The following OR5M1 variants were observed in gnomAD, a reference collection of about 807,000 sequenced individuals.
OR5M1 encodes olfactory receptor family 5 subfamily M member 1.
For missense variants in OR5M1, 367 were observed against 379.5 expected, an observed-to-expected ratio of 0.97 and a Z score of 0.27; for synonymous variants, 165 against 144.2, an observed-to-expected ratio of 1.14 and a Z score of -1.04.
rs1348570326 is a variant in OR5M1, at chr11:56,612,404, A to C, written c.*151T>G. 2.1e-6 allele frequency: 1 copy of C among 481,690 alleles called. No homozygotes were observed. Among genetic ancestry groups the C allele is most frequent in the Non-Finnish European group, 3.7e-6 (1 of 272,076 alleles). The allele number at this position is 481,690 out of a possible 1,614,324, so 29.8% of individuals were successfully genotyped here. A position where few individuals can be genotyped will look rare whatever the true frequency, so the allele number is the denominator to read the frequency against. Reference sequence around the variant, plus strand: ...ACATTAAGGCTTTTATTTCTAAGAAATCAATCTTCAAGGTTTTCATTTGGA... The same window carrying C: ...ACATTAAGGCTTTTATTTCTAAGAACTCAATCTTCAAGGTTTTCATTTGGA... On this transcript the variant is annotated 3_prime_UTR_variant, in exon 2 of 2. Coordinates refer to ENST00000641076, the MANE Select transcript of OR5M1 (RefSeq NM_001004740.2).
In OR5M1 at chr11:56,610,167, T is replaced by C. The variant is rs1285001935; in HGVS notation, c.*2388A>G. 1 of 152,044 alleles carries C rather than the reference T, an allele frequency of 6.6e-6. No homozygotes were observed. Among genetic ancestry groups the C allele is most frequent in the East Asian group, 1.9e-4 (1 of 5,196 alleles). 9.4% of individuals were successfully genotyped at this position (152,044 alleles called of 1,614,324 possible). On this transcript the variant is annotated 3_prime_UTR_variant, in exon 2 of 2. Transcript: ENST00000641076. The stretch of plus-strand genomic sequence containing the variant: ...TTGTCTGTACCTGGTAATTAATTAA[T>C]ATGAATATGTATGCCTTTGCGACTG...
At position 56,612,792 on chromosome 11, in the gene OR5M1, G is replaced by T; in HGVS notation, c.711C>A (p.Ala237=). 1 of 1,613,696 alleles carries T rather than the reference G, an allele frequency of 6.2e-7. No individual in the cohort carries two copies. Among genetic ancestry groups the T allele is most frequent in the Non-Finnish European group, 8.5e-7 (1 of 1,179,746 alleles). The change falls in exon 2 of 2, where the codon GCC becomes GCA. Residue 237 remains alanine, a synonymous_variant. Coordinates refer to ENST00000641076, the MANE Select transcript of OR5M1 (RefSeq NM_001004740.2). ...RIRSAEGRHK[A]FSTCASHLTI... ...TCAGGTGGGAAGCACACGTAGAAAA[G>T]GCTTTGTGCCTGCCTTCAGCAGAAC...
At chr11:56,613,613 G>T in intron 1 of OR5M1, 94 bp from the exon 2 acceptor site, 1 of 969,424 alleles carries the variant, frequency 1.0e-6, no homozygotes, top group Non-Finnish European at 1.6e-6. Context: ...TATTTATCTA[G>T]GTGACAATTA....
chr11:56,609,458 C>T lies in OR5M1; in HGVS notation c.*3097G>A, dbSNP rs1238831996. 1.3e-5 allele frequency: 2 copies of T among 151,876 alleles called. No homozygotes were observed. Among genetic ancestry groups the T allele is most frequent in the African/African-American group, 4.8e-5 (2 of 41,406 alleles). 9.4% of individuals were successfully genotyped at this position (151,876 alleles called of 1,614,324 possible). A position where few individuals can be genotyped will look rare whatever the true frequency, so the allele number is the denominator to read the frequency against. ...TTTTCTAAGACTTCCCTTGAGACAT[C>T]AAAGAAGCAAATAACCATAAACAAG... On this transcript the variant is annotated 3_prime_UTR_variant, in exon 2 of 2. Coordinates refer to ENST00000641076, the MANE Select transcript of OR5M1 (RefSeq NM_001004740.2).
In OR5M1 at chr11:56,610,741, G is replaced by T. The variant is rs1200093866; in HGVS notation, c.*1814C>A. 3 of 152,048 alleles carry T rather than the reference G, an allele frequency of 2.0e-5. No homozygotes were observed. In the East Asian group the frequency reaches 5.8e-4, roughly 29 times the overall value. The allele number at this position is 152,048 out of a possible 1,614,324, so 9.4% of individuals were successfully genotyped here. ...ATCCTATCTCCAAAGAATTTCTGAG[G>T]TGACTTTTACCCAAAGACATGCAGA... is the stretch of plus-strand genomic sequence containing the variant. On this transcript the variant is annotated 3_prime_UTR_variant, in exon 2 of 2. Transcript: ENST00000641076.
rs755094041 is a variant in OR5M1 at position 56,613,350 on chromosome 11, G to A, written c.153C>T (p.Thr51=). The change falls in exon 2 of 2, where the codon ACC becomes ACT. Residue 51 remains threonine, a synonymous_variant. Coordinates refer to ENST00000641076, the MANE Select transcript of OR5M1 (RefSeq NM_001004740.2). ...ACATGGGTGTTTGCAGGTGGGAATT[G>A]GTCCTGATCAGCAGGATCATGCACA... is the stretch of plus-strand genomic sequence containing the variant. ...GNLCMILLIR[T]NSHLQTPMYF... is the part of the protein sequence containing the mutation. 1 of 1,613,694 alleles carries A rather than the reference G, an allele frequency of 6.2e-7. No individual in the cohort carries two copies. The highest frequency in any genetic ancestry group is 2.2e-5 in the East Asian group (1 of 44,878).
In OR5M1 at chr11:56,609,380, A is replaced by G. The variant is rs1178164672; in HGVS notation, c.*3175T>C. On this transcript the variant is annotated 3_prime_UTR_variant, in exon 2 of 2. Transcript: ENST00000641076. ...ATTATCAACCTTATGTGTAGCCTTC[A>G]TTTGTTCAATATATGCTTCAATTTT... 1 of 151,980 alleles carries G rather than the reference A, an allele frequency of 6.6e-6. No individual in the cohort carries two copies. The highest frequency in any genetic ancestry group is 1.5e-5 in the Non-Finnish European group (1 of 67,860). 9.4% of individuals were successfully genotyped at this position (151,980 alleles called of 1,614,324 possible). A position where few individuals can be genotyped will look rare whatever the true frequency, so the allele number is the denominator to read the frequency against.
rs1853692325 is a variant in OR5M1, at chr11:56,612,596, G to C, written c.907C>G (p.Gln303Glu). The C allele has an allele frequency of 1.9e-6, 3 of 1,606,150 alleles. No homozygotes were observed. The highest frequency in any genetic ancestry group is 1.7e-5 in the Admixed American group (1 of 57,210). ...TGAAAGGATTTTCCCCTAATCATTT[G>C]TTGCATGGCAAGGATTACATCTGTG... is the stretch of plus-strand genomic sequence containing the variant. ...RNTDVILAMQ[Q>E]MIRGKSFHKI... The change falls in exon 2 of 2, where the codon CAA becomes GAA. Residue 303 changes from glutamine to glutamate, a missense_variant. Physicochemically the swap from Gln to Glu is conservative, Grantham distance 29 (BLOSUM62 2). Transcript: ENST00000641076.
intron 1 of OR5M1, 39 bp downstream of exon 1, chr11:56,614,818 A>ACAC (rs1590539898): frequency 8.6e-6 from 1 of 116,090 alleles, no homozygotes; most frequent in Non-Finnish European, 1.9e-5. Flanking sequence ...CACACACACA[A>ACAC]ATTGTATTTT....
rs1853666716 is a variant in OR5M1, at chr11:56,610,810, T to C, written c.*1745A>G. The C allele has an allele frequency of 6.6e-6, 1 of 152,096 alleles. No individual in the cohort carries two copies. Among genetic ancestry groups the C allele is most frequent in the Non-Finnish European group, 1.5e-5 (1 of 68,024 alleles). The allele number at this position is 152,096 out of a possible 1,614,324, so 9.4% of individuals were successfully genotyped here. On this transcript the variant is annotated 3_prime_UTR_variant, in exon 2 of 2. Coordinates refer to ENST00000641076, the MANE Select transcript of OR5M1 (RefSeq NM_001004740.2). The stretch of plus-strand genomic sequence containing the variant: ...AAATAGAAATAAATAAAATATTTTA[T>C]TAAAAATCAATTAGAAACAGGTCAG...
At position 56,612,429 on chromosome 11, in the gene OR5M1, A is replaced by T. The variant is rs1482531928; in HGVS notation, c.*126T>A. ...ATCAATCTTCAAGGTTTTCATTTGGATAAGAAAGTAAAGTGGTTACTGACA... is the reference window on the plus strand; with the variant it reads ...ATCAATCTTCAAGGTTTTCATTTGGTTAAGAAAGTAAAGTGGTTACTGACA... On this transcript the variant is annotated 3_prime_UTR_variant, in exon 2 of 2. Coordinates refer to ENST00000641076, the MANE Select transcript of OR5M1 (RefSeq NM_001004740.2). 1.2e-5 allele frequency: 7 copies of T among 568,136 alleles called. No individual in the cohort carries two copies. The highest frequency in any genetic ancestry group is 1.5e-5 in the Non-Finnish European group (5 of 331,080). 35.2% of individuals were successfully genotyped at this position (568,136 alleles called of 1,614,324 possible).
At position 56,612,477 on chromosome 11, in the gene OR5M1, C is replaced by G; in HGVS notation, c.*78G>C. 1 of 1,044,428 alleles carries G rather than the reference C, an allele frequency of 9.6e-7. No homozygotes were observed. Among genetic ancestry groups the G allele is most frequent in the Non-Finnish European group, 1.4e-6 (1 of 709,132 alleles). The allele number at this position is 1,044,428 out of a possible 1,614,324, so 64.7% of individuals were successfully genotyped here. ...ACAGTCCATGATGTTAAATAAATCA[C>G]GACTACACTAGGTTTTTCCATTTCA... is the stretch of plus-strand genomic sequence containing the variant. On this transcript the variant is annotated 3_prime_UTR_variant, in exon 2 of 2. Coordinates refer to ENST00000641076, the MANE Select transcript of OR5M1 (RefSeq NM_001004740.2).
Position 56,613,188 on chromosome 11 carries a change from G to A in OR5M1, c.315C>T (p.Ile105=), listed in dbSNP as rs755863011. ...AGCFTQCLLF[I]ALVITEFYIL... is the part of the protein sequence containing the mutation. ...TGTAAAACTCAGTGATCACCAGGGCGATGAAGAGAAGACACTGTGTGAAGC... is the reference window on the plus strand; with the variant it reads ...TGTAAAACTCAGTGATCACCAGGGCAATGAAGAGAAGACACTGTGTGAAGC... Residue 105 remains isoleucine, a synonymous_variant, in exon 2 of 2, where the codon ATC becomes ATT. Transcript: ENST00000641076. The A allele has an allele frequency of 1.1e-5, 18 of 1,613,712 alleles. No individual in the cohort carries two copies. The highest frequency in any genetic ancestry group is 1.1e-4 in the African/African-American group (8 of 74,924).
chr11:56,612,993 G>A lies in OR5M1; in HGVS notation c.510C>T (p.Gly170=), dbSNP rs1853699371. Residue 170 remains glycine (G), a synonymous_variant, in exon 2 of 2, where the codon GGC becomes GGT. Transcript: ENST00000641076. ...AGTAGAAATGATTGATTTCAAGGGA[G>A]CCACAGAAGGATAAGTGAAAGGTTA... The part of the protein sequence containing the change: ...SLLTFHLSFC[G]SLEINHFYCA... 7 of 1,613,726 alleles carry A rather than the reference G, an allele frequency of 4.3e-6. No homozygotes were observed. The highest frequency in any genetic ancestry group is 1.7e-5 in the Admixed American group (1 of 59,958).
In OR5M1 at chr11:56,611,772, G is replaced by A. The variant is rs1261707537; in HGVS notation, c.*783C>T. On this transcript the variant is annotated 3_prime_UTR_variant, in exon 2 of 2. Transcript: ENST00000641076. ...CCTATTTATTTGTATACTGTTTCAAGACATTTGTGGGTATGCACAGGGCAG... is the reference window on the plus strand; with the variant it reads ...CCTATTTATTTGTATACTGTTTCAAAACATTTGTGGGTATGCACAGGGCAG... 6.6e-6 allele frequency: 1 copy of A among 151,988 alleles called. No homozygotes were observed. Among genetic ancestry groups the A allele is most frequent in the African/African-American group, 2.4e-5 (1 of 41,380 alleles). The allele number at this position is 151,988 out of a possible 1,614,324, so 9.4% of individuals were successfully genotyped here.
In OR5M1 at chr11:56,609,442, A is replaced by G. The variant is rs1853647924; in HGVS notation, c.*3113T>C. 6.6e-6 allele frequency: 1 copy of G among 151,944 alleles called. No individual in the cohort carries two copies. The highest frequency in any genetic ancestry group is 1.5e-5 in the Non-Finnish European group (1 of 67,844). The allele number at this position is 151,944 out of a possible 1,614,324, so 9.4% of individuals were successfully genotyped here. A position where few individuals can be genotyped will look rare whatever the true frequency, so the allele number is the denominator to read the frequency against. ...TATTAGAACAGAATTATTTTCTAAG[A>G]CTTCCCTTGAGACATCAAAGAAGCA... On this transcript the variant is annotated 3_prime_UTR_variant, in exon 2 of 2. Transcript: ENST00000641076.
Position 56,611,516 on chromosome 11 carries a change from C to T in OR5M1, c.*1039G>A, listed in dbSNP as rs1853677278. On this transcript the variant is annotated 3_prime_UTR_variant, in exon 2 of 2. Coordinates refer to ENST00000641076, the MANE Select transcript of OR5M1 (RefSeq NM_001004740.2). ...GAGTGCAAAATATTAAAATGCCAAA[C>T]ATATGAGGCAATTTATTAGGGCTAA... 6.6e-6 allele frequency: 1 copy of T among 152,006 alleles called. No individual in the cohort carries two copies. Among genetic ancestry groups the T allele is most frequent in the South Asian group, 2.1e-4 (1 of 4,830 alleles). 9.4% of individuals were successfully genotyped at this position (152,006 alleles called of 1,614,324 possible). A position where few individuals can be genotyped will look rare whatever the true frequency, so the allele number is the denominator to read the frequency against.
At chr11:56,614,632 TG>T (rs1274843604) in intron 1 of OR5M1, among the ~76,000 whole-genome samples, 2 of 152,146 alleles carry the variant, frequency 1.3e-5, no homozygotes, top group African/African-American at 4.8e-5. Flanking sequence ...TTAAAGCCAT[TG>T]TTTATTTAGT....
intron 1 of OR5M1, among the ~76,000 whole-genome samples, chr11:56,614,173 G>T (rs2134960621): frequency 6.6e-6 from 1 of 152,206 alleles, no homozygotes; most frequent in South Asian, 2.1e-4. Context: ...ATACTGTATA[G>T]CTTCATTTCT....
Sources: allele counts gnomAD v4.1 joint callset (sites outside exome capture counted in the v4.1 genomes callset), GRCh38; gene constraint gnomAD v4.1.1; transcripts MANE v1.5; gene names NCBI Gene and HGNC (gene_info 2026-07-23, HGNC 2026-07-21).